The following CDYL variants were observed in gnomAD, a reference collection of about 807,000 sequenced individuals.
The protein encoded by CDYL is chromodomain Y like.
A neutral mutation model predicts 47.3 loss-of-function variants in CDYL; 8 were observed. The observed-to-expected ratio is 0.17, with a 90% confidence interval of 0.10 to 0.31. The LOEUF (loss-of-function observed/expected upper bound fraction) is 0.31. Among genes scored for constraint, CDYL ranks in the 10% least tolerant of loss-of-function variants. CDYL has a pLI of 1.00. For synonymous variants in CDYL, 266 were observed against 265.0 expected (o/e 1.00, Z -0.04); for missense variants, 471 against 701.4 (o/e 0.67, Z 3.71).
At chr6:4,893,598 C>T (rs112678746) in intron 2 of CDYL, among the ~76,000 whole-genome samples, 23 of 151,764 alleles carry the variant, frequency 1.5e-4, no homozygotes, top group African/African-American at 5.3e-4. Flanking sequence ...GAGGGTGAGG[C>T]ACAAGAATCG....
rs1760481255 is a variant in CDYL at position 4,841,262 on chromosome 6, CTG to C, written c.25-50446_25-50445del. On this transcript the variant is annotated intron_variant, in intron 1 of 6. Transcript: ENST00000397588. ...TCTGTGGTATCAGTTGTGGTATCTCCTGTGTGAATTCTAGTTGAGAGTTTTGG... is the reference window on the plus strand; with the variant it reads ...TCTGTGGTATCAGTTGTGGTATCTCCTGTGAATTCTAGTTGAGAGTTTTGG... Among the ~76,000 whole-genome samples, 4 of 152,076 alleles carry C rather than the reference CTG, an allele frequency of 2.6e-5. No homozygotes were observed. The South Asian group carries it at 8.3e-4, about 32-fold the overall frequency.
upstream of CDYL, chr6:4,775,504 G>C (rs1412702429): frequency 1.1e-4 from 17 of 152,360 alleles, no homozygotes; most frequent in Admixed American, 7.2e-4. The surrounding 1 kb of genome is among the most constrained non-coding windows in gnomAD (Gnocchi z 7.0). Context: ...TTAGAACCCG[G>C]ACCTCCCTGG....
chr6:4,895,590 C>T (rs1166123972), intron 2 of CDYL, among the ~76,000 whole-genome samples: 2 of 151,296 alleles, frequency 1.3e-5, no homozygotes, highest in South Asian at 2.1e-4. Context: ...TTTGAGAACC[C>T]TTGATTTTCA....
chr6:4,904,266 A>G (rs1203282834), intron 2 of CDYL, among the ~76,000 whole-genome samples: 2 of 152,230 alleles, frequency 1.3e-5, no homozygotes, highest in African/African-American at 4.8e-5. Flanking sequence ...TGAATGAGAT[A>G]AACTGTCTCT....
intron 1 of CDYL, among the ~76,000 whole-genome samples, chr6:4,783,761 T>C (rs1758681177): frequency 6.6e-6 from 1 of 152,188 alleles, no homozygotes; most frequent in South Asian, 2.1e-4. Context: ...ATAGGAGATC[T>C]GTCTTCTGTC....
chr6:4,825,052 G>A (rs1294083947), intron 1 of CDYL, among the ~76,000 whole-genome samples: 2 of 152,010 alleles, frequency 1.3e-5, no homozygotes, highest in Non-Finnish European at 2.9e-5. Context: ...TGTATTTTTA[G>A]TAGAGACAGG....
chr6:4,855,437 C>A (rs1760977689), intron 1 of CDYL, among the ~76,000 whole-genome samples: 1 of 152,134 alleles, frequency 6.6e-6, no homozygotes, highest in African/African-American at 2.4e-5. Context: ...ATTACAGGTG[C>A]ATGCCACCAC....
chr6:4,833,728 C>A lies in CDYL; in HGVS notation c.24+56921C>A, dbSNP rs1233210709. 9.9e-5 allele frequency among the ~76,000 whole-genome samples: 15 copies of A among 151,760 alleles called. No homozygotes were observed. The East Asian group carries it at 2.9e-3, about 29-fold the overall frequency. ...AGTCTAAGTCTCTTTTTAGATCACT[C>A]AGGACTTGCTTTATGAATCTGGGTG... On this transcript the variant is annotated intron_variant, in intron 1 of 6. Transcript: ENST00000397588.
In CDYL at chr6:4,725,205, C is replaced by T. The variant is rs372102626; in HGVS notation, c.103+9324C>T. 1.4e-4 allele frequency among the ~76,000 whole-genome samples: 22 copies of T among 152,326 alleles called. 1 individual carries two copies. In the East Asian group the frequency reaches 4.1e-3, roughly 28 times the overall value. On this transcript the variant is annotated intron_variant, in intron 2 of 8. Transcript: ENST00000328908. ...AGTGCTGATTGGTGTATTTACAATCCCTTAGCTAGACATAAAGGTTCTCCA... is the reference window on the plus strand; with the variant it reads ...AGTGCTGATTGGTGTATTTACAATCTCTTAGCTAGACATAAAGGTTCTCCA...
At chr6:4,749,842 C>T (rs1757960062) in intron 3 of CDYL, among the ~76,000 whole-genome samples, 1 of 152,108 alleles carries the variant, frequency 6.6e-6, no homozygotes, top group South Asian at 2.1e-4. Context: ...AGTGGGTCCC[C>T]TTCGAGAGTG....
At chr6:4,741,604 A>G (rs1224955966) in intron 3 of CDYL, among the ~76,000 whole-genome samples, 1 of 152,024 alleles carries the variant, frequency 6.6e-6, no homozygotes, top group African/African-American at 2.4e-5. Context: ...GCATGGTTCT[A>G]CTCTTTTAAG....
At chr6:4,913,930 C>T (rs762816991) in intron 2 of CDYL, among the ~76,000 whole-genome samples, 3 of 152,250 alleles carry the variant, frequency 2.0e-5, no homozygotes, top group Non-Finnish European at 4.4e-5. Context: ...AAGTTCTTAC[C>T]TGTCTCCTCC....
upstream of CDYL, among the ~76,000 whole-genome samples, chr6:4,772,364 G>C (rs6922125): frequency 2.0e-5 from 3 of 152,030 alleles, no homozygotes; most frequent in African/African-American, 7.3e-5. Context: ...GCTGCCCCTC[G>C]AAATGGGGAA....
chr6:4,824,651 T>G (rs752505520), intron 1 of CDYL, among the ~76,000 whole-genome samples: 2 of 152,196 alleles, frequency 1.3e-5, no homozygotes, highest in Admixed American at 1.3e-4. Flanking sequence ...TTTGCAAATA[T>G]TTTTATGTTG....
intron 1 of CDYL, among the ~76,000 whole-genome samples, chr6:4,829,573 C>T (rs1453912352): frequency 6.6e-6 from 1 of 152,188 alleles, no homozygotes; most frequent in African/African-American, 2.4e-5. Context: ...TCCCCTTACA[C>T]CCACATGCTT....
intron 3 of CDYL, among the ~76,000 whole-genome samples, chr6:4,742,620 G>A (rs933407598): frequency 6.6e-5 from 10 of 152,212 alleles, no homozygotes; most frequent in Non-Finnish European, 1.2e-4. Context: ...AATATTGCAG[G>A]TATTGGTCCA....
intron 3 of CDYL, among the ~76,000 whole-genome samples, chr6:4,756,571 A>G (rs1051133534): frequency 7.7e-6 from 1 of 130,096 alleles, no homozygotes; most frequent in Non-Finnish European, 1.5e-5. Flanking sequence ...AATTAAAATT[A>G]TCGTGTGTAT....
chr6:4,813,590 T>C (rs1759586450), intron 1 of CDYL, among the ~76,000 whole-genome samples: 2 of 152,250 alleles, frequency 1.3e-5, no homozygotes, highest in South Asian at 2.1e-4. Flanking sequence ...TGTGTAAATA[T>C]CTGCTGTGAG....
chr6:4,804,745 T>G (rs1366072190), intron 1 of CDYL, among the ~76,000 whole-genome samples: 2 of 152,204 alleles, frequency 1.3e-5, no homozygotes, highest in Non-Finnish European at 2.9e-5. Context: ...TCATGACCAG[T>G]GGTGGAAATT....
Sources: gnomAD v4.1 joint callset for allele counts (sites outside exome capture counted in the v4.1 genomes callset) on GRCh38, gnomAD v4.1.1 for gene constraint, Gnocchi (gnomAD v3.1) non-coding constraint, MANE v1.5 for transcripts, NCBI Gene and HGNC (gene_info 2026-07-23, HGNC 2026-07-21) for gene names.